The following TMCO1 variants were observed in gnomAD, a reference collection of about 807,000 sequenced individuals.
TMCO1 encodes the protein transmembrane and coiled-coil domains 1.
A neutral mutation model predicts 29.3 loss-of-function variants in TMCO1; 29 were observed. The observed-to-expected ratio is 0.99, with a 90% confidence interval of 0.74 to 1.35. TMCO1 has a LOEUF of 1.35. TMCO1 is among the 40% of genes most tolerant of loss of function. The probability of loss-of-function intolerance (pLI) is 0.00; values close to 1 mark genes in which losing one functional copy is unlikely to be tolerated. For missense variants in TMCO1, 173 were observed against 225.5 expected (o/e 0.77, Z 1.49); for synonymous variants, 80 against 77.1 (o/e 1.04, Z -0.20).
intron 3 of TMCO1, among the ~76,000 whole-genome samples, chr1:165,756,655 G>A (rs1279317582): frequency 6.6e-6 from 1 of 151,976 alleles, no homozygotes; most frequent in Non-Finnish European, 1.5e-5. Flanking sequence ...CAGATTAATG[G>A]TTCTCTCAAG....
chr1:165,742,262 C>T (rs936907631), intron 6 of TMCO1, among the ~76,000 whole-genome samples: 3 of 147,876 alleles, frequency 2.0e-5, no homozygotes, highest in African/African-American at 7.7e-5. Flanking sequence ...ATTATCGGCT[C>T]CCCCCCTTTT....
intron 5 of TMCO1, among the ~76,000 whole-genome samples, chr1:165,747,336 T>A (rs567640652): frequency 1.4e-5 from 2 of 146,236 alleles, no homozygotes; most frequent in South Asian, 4.2e-4. Flanking sequence ...CTAGAAAATA[T>A]GAAATATTAC....
intron 2 of TMCO1, among the ~76,000 whole-genome samples, chr1:165,766,517 G>A (rs1164059265): frequency 6.6e-6 from 1 of 152,228 alleles, no homozygotes; most frequent in Non-Finnish European, 1.5e-5. Flanking sequence ...GCTGGGCACT[G>A]TGGTTCATGC....
chr1:165,741,565 T>A (rs1032454108), intron 6 of TMCO1, among the ~76,000 whole-genome samples: 1 of 152,178 alleles, frequency 6.6e-6, no homozygotes, highest in Non-Finnish European at 1.5e-5. Flanking sequence ...ATGGGCAAAG[T>A]GCTGTATTTG....
intron 5 of TMCO1, among the ~76,000 whole-genome samples, chr1:165,747,348 T>G (rs904230422): frequency 3.9e-5 from 5 of 128,570 alleles, no homozygotes; most frequent in Admixed American, 8.1e-5. Context: ...AAATATTACT[T>G]ATACTTATTT....
chr1:165,744,031 T>C (rs1247527157), intron 5 of TMCO1, among the ~76,000 whole-genome samples: 3 of 152,086 alleles, frequency 2.0e-5, no homozygotes, highest in Admixed American at 6.6e-5. Flanking sequence ...AGCTAATTTT[T>C]GTATTTTTAG....
chr1:165,739,358 G>A (rs1245892768), intron 6 of TMCO1, among the ~76,000 whole-genome samples: 2 of 150,882 alleles, frequency 1.3e-5, no homozygotes, highest in African/African-American at 4.9e-5. Flanking sequence ...ATAATTAAAA[G>A]GAGTGTAAAG....
chr1:165,726,718 G>T (rs1463894334), downstream of TMCO1: 2 of 453,840 alleles, frequency 4.4e-6, no homozygotes, highest in African/African-American at 4.0e-5. Context: ...ATTGTTTCTT[G>T]TATGCCATAC....
intron 5 of TMCO1, among the ~76,000 whole-genome samples, chr1:165,749,570 T>C (rs769630114): frequency 6.6e-6 from 1 of 152,150 alleles, no homozygotes; most frequent in South Asian, 2.1e-4. Context: ...AGGCCAGAGG[T>C]AGGGATCACT....
intron 4 of TMCO1, among the ~76,000 whole-genome samples, chr1:165,753,163 G>T (rs1652061919): frequency 6.6e-6 from 1 of 152,022 alleles, no homozygotes; most frequent in African/African-American, 2.4e-5. Flanking sequence ...CAGATACTGA[G>T]AACAAAAGGT....
chr1:165,767,879 G>A (rs1378943564), intron 2 of TMCO1, among the ~76,000 whole-genome samples: 1 of 152,046 alleles, frequency 6.6e-6, no homozygotes, highest in Non-Finnish European at 1.5e-5. Context: ...TCCCTATGTT[G>A]CCCAGGCTGG....
chr1:165,726,583 T>C (rs1360615213), downstream of TMCO1: 1 of 460,784 alleles, frequency 2.2e-6, no homozygotes, highest in Non-Finnish European at 4.3e-6. Context: ...CCTCATCTGT[T>C]AAATGAAGGT....
chr1:165,743,428 A>G, intron 5 of TMCO1, 117 bp from the exon 6 acceptor site: 4 of 1,061,028 alleles, frequency 3.8e-6, no homozygotes, highest in Non-Finnish European at 5.5e-6. Flanking sequence ...CTGAAAAACA[A>G]AGAGAGGGTG....
intron 3 of TMCO1, among the ~76,000 whole-genome samples, chr1:165,758,150 C>G (rs914947106): frequency 2.0e-5 from 3 of 152,128 alleles, no homozygotes; most frequent in Non-Finnish European, 4.4e-5. Context: ...TCATCAGGCC[C>G]TTCCTCCTCC....
intron 6 of TMCO1, among the ~76,000 whole-genome samples, chr1:165,742,710 G>A (rs888291039): frequency 1.3e-5 from 2 of 152,130 alleles, no homozygotes; most frequent in South Asian, 2.1e-4. Flanking sequence ...TTTTCACTAC[G>A]AATGTCAAAT....
At chr1:165,725,166 A>G (rs1427052930), downstream of TMCO1, 3 of 439,660 alleles carry the variant, frequency 6.8e-6, no homozygotes, top group South Asian at 1.7e-5. Context: ...AAAAAAAGAG[A>G]AAGTATATAG....
At chr1:165,743,043 A>G (rs1388168741) in intron 6 of TMCO1, 124 bp downstream of exon 6, 5 of 1,207,648 alleles carry the variant, frequency 4.1e-6, no homozygotes, top group Non-Finnish European at 6.0e-6. Flanking sequence ...CTGAAATTCT[A>G]AAATGAGCAA....
rs377227818 is a variant in TMCO1, at chr1:165,751,040, C to T, written c.323+1062G>A. Among the ~76,000 whole-genome samples, 5 of 152,052 alleles carry T rather than the reference C, an allele frequency of 3.3e-5. No homozygotes were observed. In the East Asian group the frequency reaches 5.8e-4, roughly 18 times the overall value. On this transcript the variant is annotated intron_variant, in intron 5 of 6. Coordinates refer to ENST00000367881, the MANE Select transcript of TMCO1 (RefSeq NM_019026.6). The stretch of plus-strand genomic sequence containing the variant: ...AGCTGAGATCGCGCCACTGCACTCC[C>T]GCCTGGTGACAGAGAGAGACTCTGT...
chr1:165,748,099 C>T (rs75037097), intron 5 of TMCO1, among the ~76,000 whole-genome samples: 1,972 of 151,296 alleles, frequency 0.013, 51 homozygotes, highest in African/African-American at 0.046. Context: ...GTGGAGGTTA[C>T]GGTGAGCCCA....
Sources: allele counts gnomAD v4.1 joint callset (sites outside exome capture counted in the v4.1 genomes callset), GRCh38; gene constraint gnomAD v4.1.1; transcripts MANE v1.5; gene names NCBI Gene and HGNC (gene_info 2026-07-23, HGNC 2026-07-21).